FADS2: variants seen among roughly 807,000 people sequenced by gnomAD.
The protein encoded by FADS2 is acyl-CoA 6-desaturase.
In FADS2, 18 loss-of-function variants were observed where a neutral mutation model predicts 61.2. The observed-to-expected ratio is 0.29, with a 90% CI of 0.20 to 0.44. The LOEUF (loss-of-function observed/expected upper bound fraction) is 0.44. Ranked by LOEUF, FADS2 falls within the 20% of genes least tolerant of loss-of-function variation. The pLI is 1.00. For synonymous variants in FADS2, 203 were observed against 223.9 expected, an observed-to-expected ratio of 0.91 and a Z score of 0.83; for missense variants, 322 against 572.7, an observed-to-expected ratio of 0.56 and a Z score of 4.47.
At chr11:61,845,252 T>C (rs1430137567) in intron 4 of FADS2, among the ~76,000 whole-genome samples, 1 of 152,052 alleles carries the variant, frequency 6.6e-6, no homozygotes, top group Non-Finnish European at 1.5e-5. Context: ...CACTTAGCTT[T>C]CCTGGCCCCA....
intron 7 of FADS2, among the ~76,000 whole-genome samples, chr11:61,859,696 G>C (rs2067396500): frequency 6.6e-6 from 1 of 152,088 alleles, no homozygotes; most frequent in Non-Finnish European, 1.5e-5. Flanking sequence ...TAACTCATAA[G>C]TGGCCTATTG....
chr11:61,840,477 T>C lies in FADS2; in HGVS notation c.462T>C (p.Phe154=). The C allele has an allele frequency of 6.2e-7, 1 of 1,614,232 alleles. No individual in the cohort carries two copies. The highest frequency in any genetic ancestry group is 8.5e-7 in the Non-Finnish European group (1 of 1,180,042). The part of the protein sequence containing the change: ...ESIAWFTVFY[F]GNGWIPTLIT... ...TTGCATGGTTCACTGTCTTTTACTT[T>C]GGCAATGGCTGGATTCCTACCCTCA... Residue 154 remains phenylalanine (F), a synonymous_variant, in exon 3 of 12, where the codon TTT becomes TTC. Coordinates refer to ENST00000278840, the MANE Select transcript of FADS2 (RefSeq NM_004265.4).
chr11:61,833,692 C>T (rs1181712672), intron 1 of FADS2, among the ~76,000 whole-genome samples: 3 of 152,226 alleles, frequency 2.0e-5, no homozygotes, highest in African/African-American at 4.8e-5. Context: ...GGCTCGCCTG[C>T]GTCACCTCAG....
intron 4 of FADS2, 83 bp from the exon 5 acceptor site, chr11:61,848,076 C>A: frequency 6.4e-7 from 1 of 1,574,306 alleles, no homozygotes; most frequent in Non-Finnish European, 8.7e-7. Context: ...GTTCCGGGAA[C>A]TGCTCCTAAG....
chr11:61,828,119 G>C, upstream of FADS2: 1 of 1,357,412 alleles, frequency 7.4e-7, no homozygotes, highest in Non-Finnish European at 9.5e-7. This position sits in a 1 kb window ranked among gnomAD's most constrained non-coding sequence, Gnocchi z 6.4. Flanking sequence ...GGAGGCAAAA[G>C]TCCATAGCGG....
At position 61,816,394 on chromosome 11, in the gene FADS2, G is replaced by T. The variant is rs1363654800; in HGVS notation, c.109G>T (p.Ala37Ser). Residue 37 changes from alanine (A) to serine (S), a missense_variant, in exon 1 of 12, where the codon GCA (alanine) becomes TCA (serine). Transcript: ENST00000257261. This position sits in a 1 kb window ranked among gnomAD's most constrained non-coding sequence, Gnocchi z 7.0. ...GGCCTCTCTCCCGCCTTTTCATCCC[G>T]CATCCGCAGGACACCCAATCACCGG... 2 of 1,598,360 alleles carry T rather than the reference G, an allele frequency of 1.3e-6. No individual in the cohort carries two copies. The highest frequency in any genetic ancestry group is 2.7e-5 in the African/African-American group (2 of 74,916).
chr11:61,858,534 T>C, intron 7 of FADS2, among the ~76,000 whole-genome samples: 1 of 151,968 alleles, frequency 6.6e-6, no homozygotes, highest in African/African-American at 2.4e-5. Flanking sequence ...AAATTTTTCC[T>C]TTTTTTTAAA....
In FADS2 at chr11:61,833,403, T is replaced by G. The variant is rs7946288; in HGVS notation, c.208-4375T>G. On this transcript the variant is annotated intron_variant, in intron 1 of 11. Transcript: ENST00000278840. ...GTGCTGGAAACCTTCTGCCAGCGTTTGAGACACATTTATGGCAATGTGAAG... is the reference window on the plus strand; with the variant it reads ...GTGCTGGAAACCTTCTGCCAGCGTTGGAGACACATTTATGGCAATGTGAAG... Among the ~76,000 whole-genome samples, 154 of 152,306 alleles carry G rather than the reference T, an allele frequency of 1.0e-3. 1 individual carries two copies. Among genetic ancestry groups the G allele is most frequent in the African/African-American group, 3.7e-3 (152 of 41,556 alleles).
At chr11:61,844,903 C>T (rs1312738335) in intron 4 of FADS2, among the ~76,000 whole-genome samples, 34 of 141,952 alleles carry the variant, frequency 2.4e-4, no homozygotes, top group African/African-American at 8.7e-4. Context: ...CCAGCCTGGG[C>T]GACAGAGGAA....
intron 5 of FADS2, chr11:61,848,581 C>T (rs2067280599): frequency 2.6e-6 from 1 of 385,030 alleles, no homozygotes; most frequent in African/African-American, 2.0e-5. Context: ...TGTGGAATGG[C>T]CTCACCTGTA....
At chr11:61,858,862 C>T (rs1032816227) in intron 7 of FADS2, among the ~76,000 whole-genome samples, 8 of 152,288 alleles carry the variant, frequency 5.3e-5, no homozygotes, top group African/African-American at 4.8e-5. Context: ...GGATTACAGG[C>T]GTGAGCCACT....
In FADS2 at chr11:61,865,061, C is replaced by A; in HGVS notation, c.1158-91C>A. The A allele has an allele frequency of 6.7e-7, 1 of 1,491,528 alleles. No individual in the cohort carries two copies. Among genetic ancestry groups the A allele is most frequent in the Non-Finnish European group, 9.1e-7 (1 of 1,102,138 alleles). The allele number at this position is 1,491,528 out of a possible 1,614,324, so 92.4% of individuals were successfully genotyped here. ...GGCTGTGGACAGGGTCTCTGAGGGC[C>A]CCAGCCAGCCTCTGCCCAGGTGGTG... On this transcript the variant is annotated intron_variant, in intron 10 of 11. Transcript: ENST00000278840. The surrounding 1 kb of genome is among the most constrained non-coding windows in gnomAD (Gnocchi z 4.1).
chr11:61,857,403 G>T, intron 6 of FADS2, 51 bp from the exon 7 acceptor site: 1 of 1,546,494 alleles, frequency 6.5e-7, no homozygotes. Context: ...TGACCTTCCG[G>T]CACAGGCAGG....
In FADS2 at chr11:61,828,648, A is replaced by G; in HGVS notation, c.207+51A>G. The stretch of plus-strand genomic sequence containing the variant: ...ACCCTTCTCTGCTGCAGGCGGAGTC[A>G]GGATCCCTGGCTCCCCGTGGGCCAA... On this transcript the variant is annotated intron_variant, in intron 1 of 11. Transcript: ENST00000278840. The surrounding 1 kb of genome is among the most constrained non-coding windows in gnomAD (Gnocchi z 6.4). 6.5e-7 allele frequency: 1 copy of G among 1,534,454 alleles called. No homozygotes were observed. The highest frequency in any genetic ancestry group is 8.9e-7 in the Non-Finnish European group (1 of 1,124,022).
At position 61,816,973 on chromosome 11, in the gene FADS2, T is replaced by A; in HGVS notation, c.141+547T>A. ...CGGGGAGCGAGATCCCGTCCCCCGG[T>A]GGGTCTTGGGCAACTCACAGCTGGG... On this transcript the variant is annotated intron_variant, in intron 1 of 11. Coordinates refer to the FADS2 transcript ENST00000257261. This position sits in a 1 kb window ranked among gnomAD's most constrained non-coding sequence, Gnocchi z 7.0. 7.3e-7 allele frequency: 1 copy of A among 1,367,298 alleles called. No homozygotes were observed. Among genetic ancestry groups the A allele is most frequent in the Non-Finnish European group, 9.4e-7 (1 of 1,068,170 alleles). The allele number at this position is 1,367,298 out of a possible 1,614,324, so 84.7% of individuals were successfully genotyped here.
intron 4 of FADS2, among the ~76,000 whole-genome samples, chr11:61,841,725 T>C (rs2067218592): frequency 6.6e-6 from 1 of 152,162 alleles, no homozygotes; most frequent in African/African-American, 2.4e-5. Flanking sequence ...ATGAGTCTTT[T>C]ATCTCAAGCC....
chr11:61,841,345 C>A (rs904163407), intron 4 of FADS2, among the ~76,000 whole-genome samples: 1 of 152,032 alleles, frequency 6.6e-6, no homozygotes, highest in African/African-American at 2.4e-5. Flanking sequence ...CCACCGCATC[C>A]GGCCTGTAGC....
chr11:61,824,499 A>AG (rs1565325446), upstream of FADS2, among the ~76,000 whole-genome samples: 6 of 9,718 alleles, frequency 6.2e-4, no homozygotes, highest in Non-Finnish European at 1.3e-3. Flanking sequence ...AGAAAGAAAG[A>AG]AAGGAAAGAA....
At chr11:61,859,632 T>TC (rs2067395861) in intron 7 of FADS2, among the ~76,000 whole-genome samples, 1 of 152,224 alleles carries the variant, frequency 6.6e-6, no homozygotes, top group Admixed American at 6.5e-5. Flanking sequence ...TTATGTTTTT[T>TC]CCCTCCTTAT....
Sources: allele counts gnomAD v4.1 joint callset (sites outside exome capture counted in the v4.1 genomes callset), GRCh38; gene constraint gnomAD v4.1.1; non-coding constraint Gnocchi (gnomAD v3.1); transcripts MANE v1.5; gene names NCBI Gene and HGNC (gene_info 2026-07-23, HGNC 2026-07-21).